ENPP2: variants seen among roughly 807,000 people sequenced by gnomAD.
The protein encoded by ENPP2 is autotaxin.
ENPP2 carries 51 observed loss-of-function variants against 120.2 expected under a neutral mutation model. The observed-to-expected ratio is 0.42, with a 90% CI of 0.34 to 0.54. The LOEUF (loss-of-function observed/expected upper bound fraction) is 0.54. Among genes scored for constraint, ENPP2 ranks in the 20% least tolerant of loss-of-function variants. The pLI is 0.04. For missense variants in ENPP2, 920 were observed against 1,066.5 expected (o/e 0.86, Z 1.91); for synonymous variants, 365 against 366.4 (o/e 1.00, Z 0.04).
chr8:119,566,110 A>G (rs1034793407), intron 22 of ENPP2, among the ~76,000 whole-genome samples: 2 of 152,042 alleles, frequency 1.3e-5, no homozygotes, highest in African/African-American at 4.8e-5. Context: ...ACATTCCTGG[A>G]TCTGTGCATG....
chr8:119,591,748 G>GA (rs1215092521), intron 12 of ENPP2, among the ~76,000 whole-genome samples: 1 of 151,982 alleles, frequency 6.6e-6, no homozygotes, highest in Non-Finnish European at 1.5e-5. Context: ...TGAAATGCAA[G>GA]AAAAAACACA....
chr8:119,567,385 A>C (rs1210696254), intron 22 of ENPP2, among the ~76,000 whole-genome samples: 4 of 152,208 alleles, frequency 2.6e-5, no homozygotes, highest in Admixed American at 1.3e-4. Context: ...TATAAACCTT[A>C]GAGGTCATGC....
chr8:119,621,677 A>G (rs1254546418), intron 3 of ENPP2, among the ~76,000 whole-genome samples, 158 bp from the exon 4 acceptor site: 1 of 152,234 alleles, frequency 6.6e-6, no homozygotes, highest in Non-Finnish European at 1.5e-5. Flanking sequence ...GGACATTTGG[A>G]GAATTTACAG....
At chr8:119,611,901 C>T (rs983224693) in intron 8 of ENPP2, among the ~76,000 whole-genome samples, 8 of 152,066 alleles carry the variant, frequency 5.3e-5, no homozygotes, top group Non-Finnish European at 8.8e-5. Flanking sequence ...TGGTGGCACA[C>T]GCCTGTAATC....
chr8:119,569,381 G>T lies in ENPP2; in HGVS notation c.1918-11C>A, dbSNP rs1814761559. On this transcript the variant is annotated splice_polypyrimidine_tract_variant and intron_variant, in intron 20 of 24. Coordinates refer to ENST00000075322, the MANE Select transcript of ENPP2 (RefSeq NM_001040092.3). ...GCTGGAAACCTCAGCCTGCACGGGA[G>T]TCAGAGGCACTCAGCAATGCCGTGG... is the stretch of plus-strand genomic sequence containing the variant. 1 of 1,613,600 alleles carries T rather than the reference G, an allele frequency of 6.2e-7. No individual in the cohort carries two copies.
intron 1 of ENPP2, chr8:119,673,234 G>T: frequency 6.5e-7 from 1 of 1,532,244 alleles, no homozygotes; most frequent in Non-Finnish European, 8.7e-7. Context: ...GACGGGTAGA[G>T]AGAGGCGCAT....
intron 9 of ENPP2, 147 bp downstream of exon 9, chr8:119,607,775 C>T: frequency 1.7e-6 from 1 of 578,788 alleles, no homozygotes; most frequent in South Asian, 2.5e-5. Context: ...AGGAAAAAAA[C>T]ACCTGGAAGG....
intron 19 of ENPP2, among the ~76,000 whole-genome samples, chr8:119,574,724 T>C (rs968153193): frequency 6.6e-6 from 1 of 152,138 alleles, no homozygotes; most frequent in Non-Finnish European, 1.5e-5. Flanking sequence ...TCCTCTTTTT[T>C]GTTTTTTTAA....
intron 3 of ENPP2, among the ~76,000 whole-genome samples, chr8:119,625,779 G>T (rs1253390791): frequency 6.6e-6 from 1 of 152,180 alleles, no homozygotes; most frequent in East Asian, 1.9e-4. Context: ...AGGTGGGATG[G>T]CAGAAGTCCC....
At chr8:119,587,886 G>A (rs1375889563) in intron 13 of ENPP2, among the ~76,000 whole-genome samples, 1 of 152,190 alleles carries the variant, frequency 6.6e-6, no homozygotes, top group Non-Finnish European at 1.5e-5. Context: ...GTTCAGAAGA[G>A]ATAGCAACTA....
intron 2 of ENPP2, among the ~76,000 whole-genome samples, chr8:119,634,268 GA>G (rs983060645): frequency 1.6e-4 from 24 of 146,956 alleles, no homozygotes; most frequent in Admixed American, 3.4e-4. Flanking sequence ...AAACTAGAAG[GA>G]AAAAAAAAGA....
At chr8:119,622,629 G>T (rs1815983588) in intron 3 of ENPP2, among the ~76,000 whole-genome samples, 1 of 152,218 alleles carries the variant, frequency 6.6e-6, no homozygotes, top group Non-Finnish European at 1.5e-5. Flanking sequence ...TCCAGTGGCA[G>T]ACTGTAAGCC....
At chr8:119,572,175 C>T in intron 19 of ENPP2, 1 of 1,549,396 alleles carries the variant, frequency 6.5e-7, no homozygotes, top group Non-Finnish European at 8.7e-7. Context: ...TCAAACCAAA[C>T]CTTTTCTAGG....
At chr8:119,645,509 A>C (rs974817117) in intron 1 of ENPP2, among the ~76,000 whole-genome samples, 1 of 152,070 alleles carries the variant, frequency 6.6e-6, no homozygotes, top group Non-Finnish European at 1.5e-5. Context: ...CTTCAGCTTC[A>C]TTATTCTGGA....
At chr8:119,660,960 C>A (rs1201524610) in intron 1 of ENPP2, among the ~76,000 whole-genome samples, 1 of 152,088 alleles carries the variant, frequency 6.6e-6, no homozygotes, top group Non-Finnish European at 1.5e-5. Context: ...TATTTGTAAG[C>A]CATACATCTG....
intron 14 of ENPP2, among the ~76,000 whole-genome samples, 183 bp from the exon 15 acceptor site, chr8:119,586,496 A>T (rs892486404): frequency 1.1e-4 from 16 of 152,206 alleles, no homozygotes; most frequent in African/African-American, 3.9e-4. Context: ...GAGATTAAGT[A>T]ACCTTGGAGA....
intron 3 of ENPP2, among the ~76,000 whole-genome samples, chr8:119,624,472 T>C (rs1816130719): frequency 6.6e-6 from 1 of 152,130 alleles, no homozygotes; most frequent in Non-Finnish European, 1.5e-5. Flanking sequence ...TAGTAATGTA[T>C]ATTTAAATTT....
chr8:119,671,298 C>T (rs1166968620), intron 1 of ENPP2, among the ~76,000 whole-genome samples: 2 of 151,862 alleles, frequency 1.3e-5, no homozygotes, highest in African/African-American at 4.8e-5. Flanking sequence ...AAGACTACAT[C>T]TCAAAAAAAA....
chr8:119,640,788 G>A (rs1323792595), upstream of ENPP2, among the ~76,000 whole-genome samples: 1 of 151,952 alleles, frequency 6.6e-6, no homozygotes, highest in Non-Finnish European at 1.5e-5. Context: ...CACTCTTGTT[G>A]CCCAGGCTGG....
Sources: gnomAD v4.1 joint callset for allele counts (sites outside exome capture counted in the v4.1 genomes callset) on GRCh38, gnomAD v4.1.1 for gene constraint, MANE v1.5 for transcripts, NCBI Gene and HGNC (gene_info 2026-07-23, HGNC 2026-07-21) for gene names.